Variants in HS3ST4 observed in about 807,000 individuals in gnomAD.
The protein encoded by HS3ST4 is heparan sulfate-glucosamine 3-sulfotransferase 4, also known as heparan sulfate glucosamine 3-O-sulfotransferase 4.
HS3ST4 carries 17 observed loss-of-function variants against 29.2 expected under a neutral mutation model. The ratio of observed to expected loss-of-function variants is 0.58; its 90% CI spans 0.40 to 0.87. The LOEUF (loss-of-function observed/expected upper bound fraction) is 0.87. HS3ST4 is among the 40% of genes least tolerant of loss of function. The pLI, the probability that HS3ST4 is intolerant of heterozygous loss-of-function variation, is 0.00. For synonymous variants in HS3ST4, 314 were observed against 285.7 expected, an observed-to-expected ratio of 1.10 and a Z score of -1.00; for missense variants, 627 against 634.5, an observed-to-expected ratio of 0.99 and a Z score of 0.13.
At chr16:26,116,717 A>T (rs901204836) in intron 1 of HS3ST4, among the ~76,000 whole-genome samples, 1 of 152,198 alleles carries the variant, frequency 6.6e-6, no homozygotes, top group Non-Finnish European at 1.5e-5. Flanking sequence ...GTTTCTTAAC[A>T]CATTTATTTA....
intron 1 of HS3ST4, among the ~76,000 whole-genome samples, chr16:26,025,039 T>C (rs1969453557): frequency 6.6e-6 from 1 of 152,204 alleles, no homozygotes; most frequent in Admixed American, 6.5e-5. Context: ...AACTTTTTTT[T>C]TTTACTAAAT....
intron 1 of HS3ST4, among the ~76,000 whole-genome samples, chr16:25,718,227 TTTA>T (rs1966470935): frequency 6.6e-6 from 1 of 152,210 alleles, no homozygotes; most frequent in Non-Finnish European, 1.5e-5. Flanking sequence ...TTTGGTTACA[TTTA>T]CCTTCAGAAA....
chr16:25,835,449 G>A (rs1967346992), intron 1 of HS3ST4, among the ~76,000 whole-genome samples: 1 of 151,822 alleles, frequency 6.6e-6, no homozygotes, highest in South Asian at 2.1e-4. Flanking sequence ...AAATAACTCT[G>A]TGAGTGAGTG....
intron 1 of HS3ST4, among the ~76,000 whole-genome samples, chr16:25,912,104 A>T (rs947710761): frequency 1.3e-5 from 2 of 152,176 alleles, no homozygotes; most frequent in Non-Finnish European, 2.9e-5. Flanking sequence ...AAGAAAGGAG[A>T]TAAAGCCCAT....
chr16:25,695,941 G>A (rs1966292772), intron 1 of HS3ST4, among the ~76,000 whole-genome samples: 1 of 152,296 alleles, frequency 6.6e-6, no homozygotes, highest in South Asian at 2.1e-4. Context: ...CTGCACAGCT[G>A]GCTTGGGGTT....
chr16:25,919,173 G>A (rs770054198), intron 1 of HS3ST4, among the ~76,000 whole-genome samples: 2 of 152,084 alleles, frequency 1.3e-5, no homozygotes, highest in African/African-American at 2.4e-5. Flanking sequence ...CACTACAGGT[G>A]CATGCCACCA....
chr16:25,850,969 T>C (rs1387215661), intron 1 of HS3ST4, among the ~76,000 whole-genome samples: 2 of 152,216 alleles, frequency 1.3e-5, no homozygotes, highest in African/African-American at 4.8e-5. Context: ...CTTGGACCTT[T>C]TACCCAGTAA....
At chr16:25,987,546 A>C (rs1969076525) in intron 1 of HS3ST4, among the ~76,000 whole-genome samples, 1 of 152,162 alleles carries the variant, frequency 6.6e-6, no homozygotes, top group Non-Finnish European at 1.5e-5. Flanking sequence ...ATGGGATCCA[A>C]ACTCAAGGAT....
rs117795397 is a variant in HS3ST4 at position 26,000,527 on chromosome 16, C to T, written c.735-135085C>T. Among the ~76,000 whole-genome samples, 430 of 152,256 alleles carry T rather than the reference C, an allele frequency of 2.8e-3. 1 individual carries two copies. Among genetic ancestry groups the T allele is most frequent in the Non-Finnish European group, 4.5e-3 (304 of 68,016 alleles). On this transcript the variant is annotated intron_variant, in intron 1 of 1. Transcript: ENST00000331351. ...AGGACTTGTATTGGCCAGCCCTGGT[C>T]CTTAATGATATCCGTGGAACCAGAG...
chr16:26,106,649 A>G lies in HS3ST4; in HGVS notation c.735-28963A>G, dbSNP rs79589912. On this transcript the variant is annotated intron_variant, in intron 1 of 1. Transcript: ENST00000331351. ...TGGGCAGTTTTGAGAATACTTGACA[A>G]TGATGGTGAATAAAGGCTCAGTGAC... Among the ~76,000 whole-genome samples, 1,358 of 152,310 alleles carry G rather than the reference A, an allele frequency of 8.9e-3. 21 individuals carry two copies. Among genetic ancestry groups the G allele is most frequent in the African/African-American group, 0.031 (1,277 of 41,574 alleles).
intron 1 of HS3ST4, among the ~76,000 whole-genome samples, chr16:26,077,047 C>T (rs914670818): frequency 6.6e-6 from 1 of 152,216 alleles, no homozygotes; most frequent in African/African-American, 2.4e-5. Context: ...TGTGGAGAGG[C>T]TCTTCTGCTC....
chr16:25,918,071 G>A (rs1170635335), intron 1 of HS3ST4, among the ~76,000 whole-genome samples: 2 of 152,136 alleles, frequency 1.3e-5, no homozygotes, highest in Admixed American at 1.3e-4. Context: ...ATCAACATTT[G>A]TTTTACCTTT....
chr16:26,113,956 A>G (rs553360128), intron 1 of HS3ST4, among the ~76,000 whole-genome samples: 1 of 152,274 alleles, frequency 6.6e-6, no homozygotes, highest in South Asian at 2.1e-4. Flanking sequence ...ATATGTAGGT[A>G]TATATGTATG....
At chr16:25,796,408 G>A (rs569542388) in intron 1 of HS3ST4, among the ~76,000 whole-genome samples, 2 of 152,266 alleles carry the variant, frequency 1.3e-5, no homozygotes, top group African/African-American at 4.8e-5. Context: ...TGCTTGTAGT[G>A]GGAGTGCTGG....
At chr16:26,093,825 G>A (rs892484439) in intron 1 of HS3ST4, among the ~76,000 whole-genome samples, 5 of 152,124 alleles carry the variant, frequency 3.3e-5, no homozygotes, top group African/African-American at 1.2e-4. Flanking sequence ...CAAGCTAAAG[G>A]AGCTTGTTCA....
At chr16:25,872,859 G>A (rs879468673) in intron 1 of HS3ST4, among the ~76,000 whole-genome samples, 1 of 150,992 alleles carries the variant, frequency 6.6e-6, no homozygotes, top group Non-Finnish European at 1.5e-5. Context: ...AAGCTTCTCT[G>A]TGGGTCTAGC....
chr16:25,804,227 A>AGCAT (rs2141625475), intron 1 of HS3ST4, among the ~76,000 whole-genome samples: 1 of 152,316 alleles, frequency 6.6e-6, no homozygotes, highest in African/African-American at 2.4e-5. Context: ...AATTTCTAGG[A>AGCAT]GCATTATCAA....
chr16:25,909,244 A>G (rs980401960), intron 1 of HS3ST4, among the ~76,000 whole-genome samples: 1 of 152,028 alleles, frequency 6.6e-6, no homozygotes, highest in African/African-American at 2.4e-5. Context: ...GCTGGAGTGC[A>G]GTGGCACATT....
chr16:26,015,730 C>T (rs927784203), intron 1 of HS3ST4, among the ~76,000 whole-genome samples: 6 of 152,188 alleles, frequency 3.9e-5, no homozygotes, highest in African/African-American at 1.4e-4. Flanking sequence ...TCCTATCATT[C>T]AGGAAATTCT....
Sources: gnomAD v4.1 joint callset for allele counts (sites outside exome capture counted in the v4.1 genomes callset) on GRCh38, gnomAD v4.1.1 for gene constraint, MANE v1.5 for transcripts, NCBI Gene and HGNC (gene_info 2026-07-23, HGNC 2026-07-21) for gene names.